The following TM4SF4 variants were observed in gnomAD, a reference collection of about 807,000 sequenced individuals.
TM4SF4 encodes the protein transmembrane 4 L6 family member 4.
A neutral mutation model predicts 24.1 loss-of-function variants in TM4SF4; 24 were observed. The observed-to-expected ratio is 1.00, with a 90% CI of 0.72 to 1.40. The LOEUF is 1.40. TM4SF4 is among the 40% of genes most tolerant of loss of function. TM4SF4 has a pLI of 0.00. For synonymous variants in TM4SF4, 113 were observed against 97.0 expected (o/e 1.17, Z -0.97); for missense variants, 254 against 254.2 (o/e 1.00, Z 0.01).
chr3:149,478,497 T>C (rs545984060), intron 2 of TM4SF4, among the ~76,000 whole-genome samples: 5 of 152,120 alleles, frequency 3.3e-5, no homozygotes, highest in Non-Finnish European at 7.4e-5. Context: ...TTTGAGTCAA[T>C]AGGATCTGAA....
chr3:149,499,862 G>A (rs939104000), intron 4 of TM4SF4, among the ~76,000 whole-genome samples: 1 of 152,118 alleles, frequency 6.6e-6, no homozygotes, highest in Non-Finnish European at 1.5e-5. Flanking sequence ...GTGACAGAGT[G>A]AGACCCTGTC....
chr3:149,478,640 T>C (rs1733977000), intron 2 of TM4SF4, among the ~76,000 whole-genome samples: 1 of 152,224 alleles, frequency 6.6e-6, no homozygotes, highest in Admixed American at 6.5e-5. Context: ...GCAGTGTCCA[T>C]CAAAGGACCA....
chr3:149,476,954 C>G (rs1349215539), intron 2 of TM4SF4, among the ~76,000 whole-genome samples: 1 of 151,532 alleles, frequency 6.6e-6, no homozygotes, highest in Non-Finnish European at 1.5e-5. Context: ...GTGTGCCACC[C>G]CACGCAGCTG....
At chr3:149,495,993 C>G (rs1280570012) in intron 3 of TM4SF4, 1 of 269,240 alleles carries the variant, frequency 3.7e-6, no homozygotes, top group Non-Finnish European at 7.2e-6. Context: ...GCCCAGAAAG[C>G]TCAGAAGGCT....
chr3:149,498,637 G>T, intron 3 of TM4SF4, 85 bp from the exon 4 acceptor site: 1 of 1,263,422 alleles, frequency 7.9e-7, no homozygotes, highest in South Asian at 1.4e-5. Flanking sequence ...AGTAGTGCAT[G>T]AGAAACATTG....
At chr3:149,487,891 G>A (rs1316619717) in intron 3 of TM4SF4, 136 bp downstream of exon 3, 5 of 1,267,348 alleles carry the variant, frequency 3.9e-6, no homozygotes, top group African/African-American at 1.5e-5. Context: ...TTGAGGCAGA[G>A]ATGGAGTTGT....
chr3:149,484,759 G>A (rs1219111597), intron 2 of TM4SF4, among the ~76,000 whole-genome samples: 5 of 151,914 alleles, frequency 3.3e-5, no homozygotes, highest in African/African-American at 1.2e-4. Flanking sequence ...TCACCATATT[G>A]GCCAGGCTGG....
intron 3 of TM4SF4, among the ~76,000 whole-genome samples, chr3:149,496,387 T>G (rs375134961): frequency 3.9e-5 from 6 of 152,178 alleles, no homozygotes; most frequent in African/African-American, 1.4e-4. Context: ...GTTATTAGTT[T>G]CTAAAATCGG....
intron 3 of TM4SF4, among the ~76,000 whole-genome samples, chr3:149,498,394 C>T (rs909389179): frequency 2.0e-5 from 3 of 152,164 alleles, no homozygotes; most frequent in African/African-American, 7.2e-5. Context: ...AATTGTTCTG[C>T]CAGTTCTGTG....
chr3:149,488,170 C>A (rs1040638306), intron 3 of TM4SF4, among the ~76,000 whole-genome samples: 1 of 152,112 alleles, frequency 6.6e-6, no homozygotes, highest in African/African-American at 2.4e-5. Context: ...CATTAATACC[C>A]CAAATTGCCT....
rs779109027 is a variant in TM4SF4 at position 149,474,961 on chromosome 3, AT to A, written c.90del (p.Pro31LeufsTer5). On this transcript the variant is annotated frameshift_variant, in exon 1 of 5. Transcript: ENST00000305354. LOFTEE classifies it high-confidence loss of function. Reference sequence around the variant, plus strand: ...TTGGCTTCCTGGCTAACATCCTGTTATTTTTTCCTGGAGGAAAAGTGATAGA... The same window carrying A: ...TTGGCTTCCTGGCTAACATCCTGTTATTTTTCCTGGAGGAAAAGTGATAGA... Reference protein sequence around the residue: ...FFGFLANILLFFPGGKVIDDN... With the variant: ...FFGFLANILLXFPGGKVIDDN... 22 of 1,613,568 alleles carry A rather than the reference AT, an allele frequency of 1.4e-5. No individual in the cohort carries two copies. The highest frequency in any genetic ancestry group is 1.8e-5 in the Non-Finnish European group (21 of 1,179,826).
At chr3:149,499,877 T>C (rs1734385821) in intron 4 of TM4SF4, among the ~76,000 whole-genome samples, 1 of 152,000 alleles carries the variant, frequency 6.6e-6, no homozygotes, top group African/African-American at 2.4e-5. Flanking sequence ...CCTGTCTCAA[T>C]AAATAAATAA....
chr3:149,480,280 A>AG (rs1256163517), intron 2 of TM4SF4, among the ~76,000 whole-genome samples: 1 of 152,154 alleles, frequency 6.6e-6, no homozygotes, highest in Admixed American at 6.5e-5. Flanking sequence ...CTTGGGGCGC[A>AG]GTGGGGGAGC....
intron 3 of TM4SF4, 119 bp downstream of exon 3, chr3:149,487,874 T>G: frequency 7.1e-7 from 1 of 1,401,094 alleles, no homozygotes. Flanking sequence ...TCAGGCTCGG[T>G]GCTCCTTTGA....
chr3:149,480,995 G>A (rs374343390), intron 2 of TM4SF4, among the ~76,000 whole-genome samples: 4 of 151,992 alleles, frequency 2.6e-5, no homozygotes, highest in African/African-American at 9.7e-5. Flanking sequence ...CGGGTAGCTG[G>A]GATTACAGGC....
chr3:149,487,924 G>T (rs1290141030), intron 3 of TM4SF4, among the ~76,000 whole-genome samples, 169 bp downstream of exon 3: 1 of 152,176 alleles, frequency 6.6e-6, no homozygotes, highest in Non-Finnish European at 1.5e-5. Flanking sequence ...AGTTGCATAG[G>T]CTCTCACCTC....
At chr3:149,496,062 C>T (rs1576522452) in intron 3 of TM4SF4, 1 of 194,954 alleles carries the variant, frequency 5.1e-6, no homozygotes, top group African/African-American at 2.3e-5. Flanking sequence ...AGAAGAATGA[C>T]CTCAGAACTG....
intron 2 of TM4SF4, among the ~76,000 whole-genome samples, chr3:149,477,637 T>C (rs918542533): frequency 5.9e-5 from 9 of 152,180 alleles, no homozygotes; most frequent in Admixed American, 3.3e-4. Context: ...TATAACATCA[T>C]GAGTCCCAAA....
At chr3:149,490,138 C>A (rs1444654534) in intron 3 of TM4SF4, among the ~76,000 whole-genome samples, 1 of 152,202 alleles carries the variant, frequency 6.6e-6, no homozygotes, top group Non-Finnish European at 1.5e-5. Context: ...ATAAAATATG[C>A]CATGATGGTT....
Sources: gnomAD v4.1 joint callset for allele counts (sites outside exome capture counted in the v4.1 genomes callset) on GRCh38, gnomAD v4.1.1 for gene constraint, MANE v1.5 for transcripts, NCBI Gene and HGNC (gene_info 2026-07-23, HGNC 2026-07-21) for gene names.